The following KIF7 variants were observed in gnomAD, a reference collection of about 807,000 sequenced individuals.
KIF7 encodes kinesin-like protein KIF7.
KIF7 carries 104 observed loss-of-function variants against 135.7 expected under a neutral mutation model. That is an observed-to-expected ratio of 0.77 (90% CI 0.65 to 0.90). The LOEUF (loss-of-function observed/expected upper bound fraction) is 0.90, where lower values mean the gene tolerates loss of function less well. Among genes scored for constraint, KIF7 ranks in the 40% least tolerant of loss-of-function variants. The probability of loss-of-function intolerance (pLI) is 0.00; values close to 1 mark genes in which losing one functional copy is unlikely to be tolerated. For synonymous variants in KIF7, 883 were observed against 809.4 expected, an observed-to-expected ratio of 1.09 and a Z score of -1.54; for missense variants, 2,005 against 1,839.1, an observed-to-expected ratio of 1.09 and a Z score of -1.65.
intron 11 of KIF7, among the ~76,000 whole-genome samples, chr15:89,635,271 T>TCTC (rs1327718509): frequency 3.3e-5 from 5 of 152,084 alleles, no homozygotes; most frequent in African/African-American, 4.8e-5. Context: ...GCGGAGCGCC[T>TCTC]CTCCTCCTTT....
chr15:89,619,709 A>C lies in KIF7; in HGVS notation c.181-1514T>G, dbSNP rs765431358. On this transcript the variant is annotated intron_variant and NMD_transcript_variant, in intron 1 of 2. Transcript: ENST00000558928. Reference sequence around the variant, plus strand: ...CTTACTGTGGTTCTGATTTTACAGAAATAAGTCTGAGACGAAGTCCTCGAA... The same window carrying C: ...CTTACTGTGGTTCTGATTTTACAGACATAAGTCTGAGACGAAGTCCTCGAA... 3 of 1,606,998 alleles carry C rather than the reference A, an allele frequency of 1.9e-6. No homozygotes were observed. The East Asian group carries it at 6.7e-5, about 36-fold the overall frequency.
Position 89,647,725 on chromosome 15 carries a change from G to A in KIF7, c.1444-13C>T, listed in dbSNP as rs772917683. On this transcript the variant is annotated splice_polypyrimidine_tract_variant and intron_variant, in intron 5 of 18. Transcript: ENST00000394412. The stretch of plus-strand genomic sequence containing the variant: ...CCCCCTCATCCTCCTATAGGGCAGG[G>A]AGAGGGGCTTCAGGGGCGGGGGTTG... 6.5e-7 allele frequency: 1 copy of A among 1,547,302 alleles called. No homozygotes were observed. The highest frequency in any genetic ancestry group is 1.2e-5 in the South Asian group (1 of 84,986).
intron 14 of KIF7, 40 bp from the exon 15 acceptor site, chr15:89,631,750 A>C (rs893968532): frequency 6.6e-7 from 1 of 1,511,258 alleles, no homozygotes; most frequent in Non-Finnish European, 9.0e-7. Flanking sequence ...AGGAACAGGC[A>C]CTGTCCTCAC....
At position 89,631,525 on chromosome 15, in the gene KIF7, C is replaced by T; in HGVS notation, c.3081G>A (p.Lys1027=). The change falls in exon 15 of 19, where the codon AAG becomes AAA. Residue 1027 remains lysine, a synonymous_variant. Coordinates refer to ENST00000394412, the MANE Select transcript of KIF7 (RefSeq NM_198525.3). ...GGGACAGCAGACTCCCCTGCCTCAG[C>T]TTGCCGTCGATCTCCAGGCGCTGCT... The part of the protein sequence containing the change: ...LLKQRLEIDG[K]LRQGSLLSPE... 1 of 1,582,448 alleles carries T rather than the reference C, an allele frequency of 6.3e-7. No homozygotes were observed. The highest frequency in any genetic ancestry group is 8.6e-7 in the Non-Finnish European group (1 of 1,163,702).
chr15:89,627,153 G>T, downstream of KIF7: 2 of 1,593,974 alleles, frequency 1.3e-6, no homozygotes, highest in African/African-American at 1.3e-5. Context: ...AAAGAAGTTG[G>T]ATGCCTGGTC....
downstream of KIF7, chr15:89,624,813 G>A (rs752692194): frequency 1.9e-6 from 3 of 1,614,186 alleles, no homozygotes; most frequent in Admixed American, 5.0e-5. Context: ...AGTCTTCTCT[G>A]TCTCACCCTG....
Position 89,647,727 on chromosome 15 carries a change from G to A in KIF7, c.1444-15C>T, listed in dbSNP as rs1166278110. 1.9e-6 allele frequency: 3 copies of A among 1,546,378 alleles called. No individual in the cohort carries two copies. The highest frequency in any genetic ancestry group is 1.4e-5 in the African/African-American group (1 of 73,264). On this transcript the variant is annotated splice_polypyrimidine_tract_variant and intron_variant, in intron 5 of 18. Coordinates refer to ENST00000394412, the MANE Select transcript of KIF7 (RefSeq NM_198525.3). The stretch of plus-strand genomic sequence containing the variant: ...CCCTCATCCTCCTATAGGGCAGGGA[G>A]AGGGGCTTCAGGGGCGGGGGTTGAC...
At chr15:89,625,435 C>T (rs1393913066), downstream of KIF7, 3 of 1,613,880 alleles carry the variant, frequency 1.9e-6, no homozygotes, top group East Asian at 2.2e-5. Flanking sequence ...CGGTGCAGAC[C>T]TTCCTGGGAG....
upstream of KIF7, chr15:89,655,479 G>T (rs1282957117): frequency 6.6e-6 from 1 of 152,098 alleles, no homozygotes; most frequent in Non-Finnish European, 1.5e-5. Flanking sequence ...CCGTCATCGG[G>T]ACCCCCGCCC....
downstream of KIF7, chr15:89,623,491 T>C (rs891183470): frequency 1.0e-6 from 1 of 985,700 alleles, no homozygotes; most frequent in Non-Finnish European, 1.5e-6. Flanking sequence ...GGGTCACTAT[T>C]TGAGATTTCC....
intron 2 of KIF7, among the ~76,000 whole-genome samples, chr15:89,651,111 T>C (rs1303645101): frequency 6.6e-5 from 10 of 152,034 alleles, no homozygotes; most frequent in Non-Finnish European, 1.2e-4. Flanking sequence ...TTTTGTTTGT[T>C]TGTTTTTGAG....
Position 89,632,962 on chromosome 15 carries a change from T to A in KIF7, c.2753A>T (p.Glu918Val). Residue 918 changes from glutamate to valine, a missense_variant, in exon 14 of 19, where the codon GAG becomes GTG. Glu to Val is a moderately radical substitution (Grantham distance 121, BLOSUM62 -2). Coordinates refer to ENST00000394412, the MANE Select transcript of KIF7 (RefSeq NM_198525.3). ...CCGCTGCTGTAGCACCTTCTCCATC[T>A]CCTGGTCCAGCCACTTCTTCTGCTC... ...IEEQKKWLDQ[E>V]MEKVLQQRRA... is the part of the protein sequence containing the mutation. 1 of 1,516,752 alleles carries A rather than the reference T, an allele frequency of 6.6e-7. No individual in the cohort carries two copies. Among genetic ancestry groups the A allele is most frequent in the Non-Finnish European group, 8.9e-7 (1 of 1,128,002 alleles). The allele number at this position is 1,516,752 out of a possible 1,614,324, so 94.0% of individuals were successfully genotyped here.
chr15:89,620,951 G>A (rs1184499897), intron 1 of KIF7, among the ~76,000 whole-genome samples: 1 of 150,990 alleles, frequency 6.6e-6, no homozygotes, highest in Non-Finnish European at 1.5e-5. Context: ...CTCGATCTCC[G>A]ACTTAGTGAT....
In KIF7 at chr15:89,652,774, G is replaced by A. The variant is rs569323391; in HGVS notation, c.157C>T (p.Arg53Ter). ...AGCACCACGTGGAAGCCAAAGTGTC[G>A]GTCACGGCCCAGAGTGACGCGGCCA... ...GLGRVTLGRD[R>*]HFGFHVVLAE... The change falls in exon 2 of 19, where the codon CGA (arginine) becomes TGA (stop). Residue 53 changes from arginine (R) to a stop codon, truncating the protein, a stop_gained. Coordinates refer to ENST00000394412, the MANE Select transcript of KIF7 (RefSeq NM_198525.3). LOFTEE classifies it high-confidence loss of function. 4 of 1,551,604 alleles carry A rather than the reference G, an allele frequency of 2.6e-6. No homozygotes were observed. Among genetic ancestry groups the A allele is most frequent in the African/African-American group, 2.7e-5 (2 of 73,194 alleles).
In KIF7 at chr15:89,631,774, A is replaced by G. The variant is rs533220453; in HGVS notation, c.2896-64T>C. ...CACTGTCCTCACAGGGGGGACAGAAAGGGCCGGATGTTAAGGAGGACTTGC... is the reference window on the plus strand; with the variant it reads ...CACTGTCCTCACAGGGGGGACAGAAGGGGCCGGATGTTAAGGAGGACTTGC... On this transcript the variant is annotated intron_variant, in intron 14 of 18. Transcript: ENST00000394412. The G allele has an allele frequency of 5.6e-5, 78 of 1,390,600 alleles. 1 individual carries two copies. The East Asian group carries it at 1.6e-3, about 29-fold the overall frequency. 86.1% of individuals were successfully genotyped at this position (1,390,600 alleles called of 1,614,324 possible). A position where few individuals can be genotyped will look rare whatever the true frequency, so the allele number is the denominator to read the frequency against.
intron 10 of KIF7, among the ~76,000 whole-genome samples, chr15:89,644,114 G>A (rs1963968916): frequency 1.3e-5 from 2 of 152,078 alleles, no homozygotes; most frequent in South Asian, 4.2e-4. Flanking sequence ...CTGGAGGATG[G>A]GTATATGGGA....
At chr15:89,641,938 G>A (rs1373957122) in intron 11 of KIF7, among the ~76,000 whole-genome samples, 1 of 152,156 alleles carries the variant, frequency 6.6e-6, no homozygotes, top group Non-Finnish European at 1.5e-5. Context: ...GCACGCTGCA[G>A]GGTAGGTTTC....
chr15:89,652,310 G>A (rs1160952508), intron 2 of KIF7, among the ~76,000 whole-genome samples: 4 of 152,082 alleles, frequency 2.6e-5, no homozygotes, highest in Non-Finnish European at 1.5e-5. Flanking sequence ...CTAGAGACAC[G>A]CCACCTTCCC....
rs749826439 is a variant in KIF7, at chr15:89,647,046, C to A, written c.1572G>T (p.Leu524=). 6.3e-7 allele frequency: 1 copy of A among 1,593,768 alleles called. No homozygotes were observed. Among genetic ancestry groups the A allele is most frequent in the Non-Finnish European group, 8.5e-7 (1 of 1,171,614 alleles). Residue 524 remains leucine (L), a synonymous_variant, in exon 7 of 19, where the codon CTG becomes CTT. Transcript: ENST00000394412. The stretch of plus-strand genomic sequence containing the variant: ...CCACCATCTCCTCCTGCTGCTCACG[C>A]AGCCGGTCGCTCTGCAAGACATGGT... ...MEQYKLQSDR[L]REQQEEMVEL...
Sources: allele counts gnomAD v4.1 joint callset (sites outside exome capture counted in the v4.1 genomes callset), GRCh38; gene constraint gnomAD v4.1.1; transcripts MANE v1.5; gene names NCBI Gene and HGNC (gene_info 2026-07-23, HGNC 2026-07-21).